The following LARGE1 variants were observed in gnomAD, a reference collection of about 807,000 sequenced individuals.
LARGE1 encodes the protein xylosyl- and glucuronyltransferase LARGE1.
A neutral mutation model predicts 87.6 loss-of-function variants in LARGE1; 43 were observed. The ratio of observed to expected loss-of-function variants is 0.49; its 90% confidence interval spans 0.38 to 0.63. The LOEUF is 0.63. Ranked by LOEUF, LARGE1 falls within the 30% of genes least tolerant of loss-of-function variation. The pLI is 0.00. For synonymous variants in LARGE1, 434 were observed against 394.6 expected (o/e 1.10, Z -1.18); for missense variants, 802 against 1,000.2 (o/e 0.80, Z 2.67).
At chr22:33,753,575 T>C (rs576854117) in intron 2 of LARGE1, among the ~76,000 whole-genome samples, 66 of 152,268 alleles carry the variant, frequency 4.3e-4, no homozygotes, top group Admixed American at 4.3e-3. Flanking sequence ...TGGTGGTTTG[T>C]TACAGCAGCC....
chr22:33,300,064 A>T (rs1021915982), intron 12 of LARGE1, among the ~76,000 whole-genome samples: 1 of 152,240 alleles, frequency 6.6e-6, no homozygotes, highest in African/African-American at 2.4e-5. Context: ...ACCCCAAAAA[A>T]GGTGATATAA....
intron 11 of LARGE1, among the ~76,000 whole-genome samples, chr22:33,173,355 T>C (rs1229620426): frequency 1.3e-5 from 2 of 152,030 alleles, no homozygotes; most frequent in African/African-American, 4.8e-5. Context: ...GAAGGAAGCA[T>C]TAAACATGAA....
At chr22:33,435,108 T>C (rs1043331350) in intron 6 of LARGE1, among the ~76,000 whole-genome samples, 1 of 152,166 alleles carries the variant, frequency 6.6e-6, no homozygotes, top group African/African-American at 2.4e-5. Flanking sequence ...TTAAAGCGAT[T>C]CTCCTGCCTC....
intron 2 of LARGE1, among the ~76,000 whole-genome samples, chr22:33,690,560 G>C (rs1190013963): frequency 1.3e-5 from 2 of 151,928 alleles, no homozygotes; most frequent in African/African-American, 4.8e-5. Context: ...GAGACCTGGG[G>C]AAAAAGAGGG....
chr22:33,605,929 G>A (rs752242438), intron 4 of LARGE1, among the ~76,000 whole-genome samples: 17 of 152,188 alleles, frequency 1.1e-4, no homozygotes, highest in Non-Finnish European at 1.9e-4. Flanking sequence ...GAGGGAAGCT[G>A]TGCCCTAAAG....
chr22:33,165,636 C>A (rs1190105031), exon 12 of LARGE1: 1 of 152,198 alleles, frequency 6.6e-6, no homozygotes, highest in Non-Finnish European at 1.5e-5. Context: ...TATTCACAGG[C>A]TCTACAGCTG....
At chr22:33,450,447 C>CAAAA (rs367922467) in intron 6 of LARGE1, among the ~76,000 whole-genome samples, 3 of 128,064 alleles carry the variant, frequency 2.3e-5, no homozygotes, top group Non-Finnish European at 3.4e-5. Flanking sequence ...ACTAAAAATA[C>CAAAA]AAAAAAAAAA....
chr22:33,545,268 T>C (rs75073400), intron 6 of LARGE1, among the ~76,000 whole-genome samples: 3,769 of 144,862 alleles, frequency 0.026, 79 homozygotes, highest in African/African-American at 0.068. Context: ...CCTTTTCTTT[T>C]TTTTTTTTTT....
At chr22:33,623,449 G>T (rs906148640) in intron 4 of LARGE1, among the ~76,000 whole-genome samples, 11 of 152,054 alleles carry the variant, frequency 7.2e-5, no homozygotes, top group South Asian at 2.1e-4. Flanking sequence ...ACTGGACAGC[G>T]CTATGAGGAA....
intron 1 of LARGE1, among the ~76,000 whole-genome samples, chr22:33,825,609 CACT>C (rs937430971): frequency 2.6e-4 from 39 of 152,170 alleles, no homozygotes; most frequent in African/African-American, 9.4e-4. Flanking sequence ...TCACTGTCAC[CACT>C]AACACAAGGA....
chr22:33,527,907 C>G (rs997958756), intron 6 of LARGE1, among the ~76,000 whole-genome samples: 1 of 152,138 alleles, frequency 6.6e-6, no homozygotes, highest in African/African-American at 2.4e-5. Context: ...AAAAGCAGAA[C>G]AACTTTGGTG....
chr22:33,696,235 T>TTTTC (rs200751894), intron 2 of LARGE1, among the ~76,000 whole-genome samples: 73 of 127,450 alleles, frequency 5.7e-4, no homozygotes, highest in Middle Eastern at 4.4e-3. Flanking sequence ...TATTCAGTAT[T>TTTTC]TTTCTTTCTT....
At chr22:33,871,156 G>A (rs1317549158) in intron 1 of LARGE1, among the ~76,000 whole-genome samples, 1 of 152,204 alleles carries the variant, frequency 6.6e-6, no homozygotes, top group Admixed American at 6.5e-5. Flanking sequence ...AAATTAATTA[G>A]ATAGGCAGTG....
intron 11 of LARGE1, among the ~76,000 whole-genome samples, chr22:33,218,250 T>C (rs1030661412): frequency 2.6e-5 from 4 of 152,164 alleles, no homozygotes; most frequent in Non-Finnish European, 5.9e-5. Context: ...TTAATTATCT[T>C]CTTGAATACT....
chr22:33,537,978 C>T (rs1340328220), intron 6 of LARGE1, among the ~76,000 whole-genome samples: 3 of 152,168 alleles, frequency 2.0e-5, no homozygotes, highest in Non-Finnish European at 4.4e-5. Flanking sequence ...ACCTGCGATT[C>T]CAACCTAAGT....
Position 33,529,642 on chromosome 22 carries a change from G to A in LARGE1, c.787+35206C>T, listed in dbSNP as rs139968182. On this transcript the variant is annotated intron_variant, in intron 6 of 14. Transcript: ENST00000397394. ...TTATTTTCCCATCTGTGAAACGAAG[G>A]CAGGGGATCGGATCTTTTTCTGAGG... 1.0e-2 allele frequency among the ~76,000 whole-genome samples: 1,523 copies of A among 152,302 alleles called. 13 individuals are homozygous for A. The highest frequency in any genetic ancestry group is 0.015 in the Non-Finnish European group (1,038 of 68,018).
rs187246756 is a variant in LARGE1 at position 33,474,466 on chromosome 22, T to A, written c.788-42201A>T. ...GCATGAGCCACTGTGCCCGGCCTAG[T>A]CTGTCTTTTAAAAGGCAATACAACT... On this transcript the variant is annotated intron_variant, in intron 6 of 14. Transcript: ENST00000397394. 3.1e-3 allele frequency among the ~76,000 whole-genome samples: 467 copies of A among 152,340 alleles called. 3 individuals are homozygous for A. Among genetic ancestry groups the A allele is most frequent in the South Asian group, 0.022 (104 of 4,832 alleles).
intron 6 of LARGE1, among the ~76,000 whole-genome samples, chr22:33,470,635 C>G (rs1022802459): frequency 6.6e-6 from 1 of 152,194 alleles, no homozygotes; most frequent in Non-Finnish European, 1.5e-5. Context: ...CCGGAAGGGC[C>G]CCTCATTCCT....
At position 33,719,677 on chromosome 22, in the gene LARGE1, C is replaced by T. The variant is rs927122584; in HGVS notation, c.106+41694G>A. Reference sequence around the variant, plus strand: ...CTGGGACTACAGGTGCCCACCACAACGCCTGGCTAATTTTTTATATTTTTA... The same window carrying T: ...CTGGGACTACAGGTGCCCACCACAATGCCTGGCTAATTTTTTATATTTTTA... On this transcript the variant is annotated intron_variant, in intron 2 of 14. Transcript: ENST00000397394. 7.2e-5 allele frequency among the ~76,000 whole-genome samples: 11 copies of T among 151,984 alleles called. No individual in the cohort carries two copies. The South Asian group carries it at 8.3e-4, about 11-fold the overall frequency.
Sources: allele counts gnomAD v4.1 joint callset (sites outside exome capture counted in the v4.1 genomes callset), GRCh38; gene constraint gnomAD v4.1.1; transcripts MANE v1.5; gene names NCBI Gene and HGNC (gene_info 2026-07-23, HGNC 2026-07-21).